The following AASDH variants were observed in gnomAD, a reference collection of about 807,000 sequenced individuals.
AASDH encodes the protein beta-alanine-activating enzyme.
Under a neutral mutation model 102.3 loss-of-function variants are expected in AASDH, and 81 were observed. That is an observed-to-expected ratio of 0.79 (90% CI 0.66 to 0.95). AASDH has a LOEUF of 0.95. Ranked by LOEUF, AASDH falls within the 40% of genes least tolerant of loss-of-function variation. AASDH has a pLI of 0.00. For synonymous variants in AASDH, 398 were observed against 454.0 expected (o/e 0.88, Z 1.57); for missense variants, 1,203 against 1,266.2 (o/e 0.95, Z 0.76).
At chr4:56,365,138 C>G (rs376990893) in intron 5 of AASDH, among the ~76,000 whole-genome samples, 26 of 151,858 alleles carry the variant, frequency 1.7e-4, no homozygotes, top group East Asian at 7.8e-4. Flanking sequence ...TTACATAATG[C>G]TAAAGGGATC....
chr4:56,366,517 C>T (rs1420787766), intron 5 of AASDH, among the ~76,000 whole-genome samples: 2 of 152,186 alleles, frequency 1.3e-5, no homozygotes, highest in African/African-American at 4.8e-5. Flanking sequence ...AAAAGCTTAT[C>T]CACCATGATC....
chr4:56,376,019 C>CTTTT (rs67950154), intron 4 of AASDH, among the ~76,000 whole-genome samples: 18 of 106,730 alleles, frequency 1.7e-4, no homozygotes, highest in East Asian at 8.4e-4. Context: ...AACCGCTCAT[C>CTTTT]TTTTTTTTTT....
intron 5 of AASDH, among the ~76,000 whole-genome samples, chr4:56,361,461 T>C (rs1750284751): frequency 6.6e-6 from 1 of 152,038 alleles, no homozygotes; most frequent in Non-Finnish European, 1.5e-5. Context: ...CAGATACTCA[T>C]AAACTGAAAT....
In AASDH at chr4:56,378,419, T is replaced by C; in HGVS notation, c.397A>G (p.Thr133Ala). The change falls in exon 4 of 15, where the codon ACA (threonine) becomes GCA (alanine). Residue 133 changes from threonine to alanine, a missense_variant. By Grantham distance (58) the Thr-to-Ala change is moderately conservative (BLOSUM62 0). Coordinates refer to ENST00000205214, the MANE Select transcript of AASDH (RefSeq NM_181806.4). ...HETLLNYDTF[T>A]VEHNDLVLFR... ...AGCACTAGGTCATTATGTTCCACTG[T>C]AAATGTATCATAGTTCAATAATGTT... 1 of 1,611,678 alleles carries C rather than the reference T, an allele frequency of 6.2e-7. No homozygotes were observed. The highest frequency in any genetic ancestry group is 8.5e-7 in the Non-Finnish European group (1 of 1,179,378).
At chr4:56,345,359 GCATGCAA>G in intron 11 of AASDH, 69 bp from the exon 12 acceptor site, 1 of 1,445,812 alleles carries the variant, frequency 6.9e-7, no homozygotes, top group South Asian at 1.3e-5. Flanking sequence ...TTAGCCTACA[GCATGCAA>G]TTTATATTCA....
In AASDH at chr4:56,349,617, A is replaced by T; in HGVS notation, c.2134T>A (p.Ser712Thr). 6.2e-7 allele frequency: 1 copy of T among 1,614,214 alleles called. No homozygotes were observed. The highest frequency in any genetic ancestry group is 1.1e-5 in the South Asian group (1 of 91,086). Residue 712 changes from serine to threonine, a missense_variant, in exon 11 of 15, where the codon TCA becomes ACA. By Grantham distance (58) the Ser-to-Thr change is moderately conservative. Coordinates refer to ENST00000205214, the MANE Select transcript of AASDH (RefSeq NM_181806.4). ...CSSACPSDSV[S>T]QTNIQNLKGL... ...TTCAAATTTTGAATGTTGGTCTGTGAAACTGAGTCAGAAGGACAGGCTGAA... is the reference window on the plus strand; with the variant it reads ...TTCAAATTTTGAATGTTGGTCTGTGTAACTGAGTCAGAAGGACAGGCTGAA...
At position 56,355,301 on chromosome 4, in the gene AASDH, G is replaced by A; in HGVS notation, c.984C>T (p.Leu328=). The change falls in exon 6 of 15, where the codon CTC becomes CTT. Residue 328 remains leucine, a synonymous_variant. Transcript: ENST00000205214. ...TATTGCCTTCTCCTCTCCAGCTTCT[G>A]AGAACTGTCAATGATGGAAACGCTT... The part of the protein sequence containing the change: ...GGEAFPSLTV[L]RSWRGEGNKT... 6.2e-7 allele frequency: 1 copy of A among 1,614,134 alleles called. No individual in the cohort carries two copies. Among genetic ancestry groups the A allele is most frequent in the Non-Finnish European group, 8.5e-7 (1 of 1,180,018 alleles).
At chr4:56,354,561 G>A (rs1749371613) in intron 7 of AASDH, 144 bp downstream of exon 7, 2 of 575,832 alleles carry the variant, frequency 3.5e-6, no homozygotes, top group Non-Finnish European at 5.9e-6. Context: ...GTAACATTTG[G>A]TATTTCATGA....
At chr4:56,366,215 G>C (rs552104994) in intron 5 of AASDH, among the ~76,000 whole-genome samples, 1 of 152,156 alleles carries the variant, frequency 6.6e-6, no homozygotes, top group Non-Finnish European at 1.5e-5. Flanking sequence ...CTCTGAAATT[G>C]AGGCAATAAT....
At chr4:56,365,744 C>T (rs1578022920) in intron 5 of AASDH, among the ~76,000 whole-genome samples, 1 of 152,184 alleles carries the variant, frequency 6.6e-6, no homozygotes, top group African/African-American at 2.4e-5. Context: ...ATTTATAGCA[C>T]TAAATGCCCA....
At chr4:56,385,758 C>T (rs1169780425) in intron 1 of AASDH, among the ~76,000 whole-genome samples, 3 of 151,326 alleles carry the variant, frequency 2.0e-5, no homozygotes, top group Non-Finnish European at 2.9e-5. Context: ...CTACCATGTC[C>T]AACTAATTTT....
chr4:56,383,997 C>T, intron 2 of AASDH, 73 bp downstream of exon 2: 1 of 1,281,806 alleles, frequency 7.8e-7, no homozygotes, highest in Non-Finnish European at 1.1e-6. Context: ...AGAACAATAA[C>T]TTGCAATATA....
intron 3 of AASDH, chr4:56,381,665 A>T (rs1279877303): frequency 6.6e-6 from 1 of 151,966 alleles, no homozygotes; most frequent in Non-Finnish European, 1.5e-5. Context: ...ACACACACAC[A>T]CACACACACA....
chr4:56,370,267 G>A (rs902684778), intron 5 of AASDH, among the ~76,000 whole-genome samples: 1 of 151,920 alleles, frequency 6.6e-6, no homozygotes, highest in African/African-American at 2.4e-5. Context: ...GGAGACTGAG[G>A]CACAAGAATC....
chr4:56,361,197 A>C lies in AASDH; in HGVS notation c.862-5774T>G, dbSNP rs546062910. On this transcript the variant is annotated intron_variant, in intron 5 of 14. Transcript: ENST00000205214. ...AAAGCCAAGGCGGGCAGATCACTTA[A>C]GGTCAGGAGTTCGAGACCAGCCTAG... is the stretch of plus-strand genomic sequence containing the variant. Among the ~76,000 whole-genome samples the C allele has an allele frequency of 2.0e-5, 3 of 152,298 alleles. No homozygotes were observed. The South Asian group carries it at 6.2e-4, about 32-fold the overall frequency.
intron 5 of AASDH, among the ~76,000 whole-genome samples, chr4:56,357,923 C>A (rs1436237423): frequency 6.6e-6 from 1 of 151,738 alleles, no homozygotes; most frequent in African/African-American, 2.4e-5. Context: ...GTTTAATTTA[C>A]AGATCAATTT....
chr4:56,385,929 CTTTT>C lies in AASDH; in HGVS notation c.-43+1429_-43+1432del, dbSNP rs199518814. Among the ~76,000 whole-genome samples the C allele has an allele frequency of 1.4e-3, 155 of 113,734 alleles. 1 individual carries two copies. Among genetic ancestry groups the C allele is most frequent in the Non-Finnish European group, 2.4e-3 (120 of 49,616 alleles). The allele number at this position is 113,734 out of a possible 152,430, so 74.6% of individuals were successfully genotyped here. On this transcript the variant is annotated intron_variant, in intron 1 of 14. Transcript: ENST00000205214. ...GGCCGAGTCAAGTTTTCTTTTCTTT[CTTTT>C]TTTTTTTTTAATTTATTCACACCTA...
Position 56,349,418 on chromosome 4 carries a change from A to G in AASDH, c.2333T>C (p.Phe778Ser), listed in dbSNP as rs1195518931. ...GTACACAGTTGTAGATGACTTATCA[A>G]AAGTGGGTATTACAACCAGCGGTGA... is the stretch of plus-strand genomic sequence containing the variant. ...DASPLVVIPT[F>S]DKSSTTVYIG... The change falls in exon 11 of 15, where the codon TTT becomes TCT. Residue 778 changes from phenylalanine (F) to serine (S), a missense_variant. Coordinates refer to ENST00000205214, the MANE Select transcript of AASDH (RefSeq NM_181806.4). 1.2e-6 allele frequency: 2 copies of G among 1,614,198 alleles called. No individual in the cohort carries two copies. Among genetic ancestry groups the G allele is most frequent in the Admixed American group, 1.7e-5 (1 of 60,022 alleles).
chr4:56,363,176 A>G (rs978196659), intron 5 of AASDH, among the ~76,000 whole-genome samples: 4 of 152,126 alleles, frequency 2.6e-5, no homozygotes, highest in African/African-American at 4.8e-5. Context: ...AGGCTGGGGG[A>G]GGGGCGCCCA....
Sources: gnomAD v4.1 joint callset for allele counts (sites outside exome capture counted in the v4.1 genomes callset) on GRCh38, gnomAD v4.1.1 for gene constraint, MANE v1.5 for transcripts, NCBI Gene and HGNC (gene_info 2026-07-23, HGNC 2026-07-21) for gene names.